Variants in FSTL5 observed in about 807,000 individuals in gnomAD.
FSTL5 encodes the protein follistatin like 5, also known as follistatin-related protein 5.
In FSTL5, 62 loss-of-function variants were observed where a neutral mutation model predicts 89.1. The observed-to-expected ratio is 0.70, with a 90% CI of 0.57 to 0.86. The LOEUF is 0.86. FSTL5 is among the 40% of genes least tolerant of loss of function. The pLI is 0.00. For missense variants in FSTL5, 1,057 were observed against 1,001.6 expected, an observed-to-expected ratio of 1.06 and a Z score of -0.75; for synonymous variants, 383 against 346.2, an observed-to-expected ratio of 1.11 and a Z score of -1.18.
chr4:161,750,257 A>T (rs574966748), intron 6 of FSTL5, among the ~76,000 whole-genome samples: 1 of 152,264 alleles, frequency 6.6e-6, no homozygotes, highest in African/African-American at 2.4e-5. Flanking sequence ...ATAATTTGAC[A>T]CTCTAATGTT....
At chr4:162,016,580 A>G (rs980233759) in intron 3 of FSTL5, among the ~76,000 whole-genome samples, 1 of 152,040 alleles carries the variant, frequency 6.6e-6, no homozygotes, top group East Asian at 1.9e-4. Context: ...ATTCCTTTGG[A>G]CTTTAGTGTC....
chr4:161,437,580 A>AAAAAAAAAAAAAAAAAAAAAAAAAAC (rs1560894861), intron 15 of FSTL5, among the ~76,000 whole-genome samples: 1 of 147,494 alleles, frequency 6.8e-6, no homozygotes, highest in African/African-American at 2.5e-5. Context: ...AAAAAAAAAA[A>AAAAAAAAAAAAAAAAAAAAAAAAAAC]AACGAGGTCA....
chr4:161,505,067 G>A (rs933604971), intron 11 of FSTL5, among the ~76,000 whole-genome samples: 3 of 151,900 alleles, frequency 2.0e-5, no homozygotes, highest in East Asian at 1.9e-4. Context: ...AATAAATTAC[G>A]GTGTTATACA....
chr4:161,916,699 A>T (rs1241450918), intron 4 of FSTL5, among the ~76,000 whole-genome samples: 1 of 152,184 alleles, frequency 6.6e-6, no homozygotes, highest in African/African-American at 2.4e-5. Flanking sequence ...CTATAGTTCT[A>T]CAAATCATAA....
intron 2 of FSTL5, among the ~76,000 whole-genome samples, chr4:162,051,933 A>C (rs1277003798): frequency 2.0e-5 from 3 of 151,622 alleles, no homozygotes; most frequent in Non-Finnish European, 4.4e-5. Context: ...CAACATTAGC[A>C]AAGAAAAACA....
chr4:161,443,480 C>A (rs1421736724), intron 15 of FSTL5, among the ~76,000 whole-genome samples: 1 of 151,904 alleles, frequency 6.6e-6, no homozygotes, highest in Non-Finnish European at 1.5e-5. Flanking sequence ...TATTTTTAAA[C>A]TTTTACTAAA....
intron 6 of FSTL5, among the ~76,000 whole-genome samples, chr4:161,677,426 T>C (rs1737345942): frequency 1.3e-5 from 2 of 152,180 alleles, no homozygotes; most frequent in South Asian, 4.1e-4. Context: ...CACTTTATAA[T>C]ATGCTGTTTT....
chr4:162,154,763 T>A (rs896749614), intron 1 of FSTL5, among the ~76,000 whole-genome samples: 1 of 152,116 alleles, frequency 6.6e-6, no homozygotes. Context: ...TAAAATCCAA[T>A]GTGGATCAAT....
chr4:161,752,219 A>AGACG (rs1367900545), intron 6 of FSTL5, among the ~76,000 whole-genome samples: 31 of 141,596 alleles, frequency 2.2e-4, no homozygotes, highest in African/African-American at 7.9e-4. Flanking sequence ...GACAGATGAT[A>AGACG]GATGGACAGA....
At chr4:161,943,181 C>T (rs1186172941) in intron 3 of FSTL5, among the ~76,000 whole-genome samples, 3 of 151,878 alleles carry the variant, frequency 2.0e-5, no homozygotes, top group South Asian at 4.2e-4. Flanking sequence ...ATCAAATTAC[C>T]TATCAAAATG....
At chr4:161,705,974 A>T (rs868772300) in intron 6 of FSTL5, among the ~76,000 whole-genome samples, 1 of 85,660 alleles carries the variant, frequency 1.2e-5, no homozygotes, top group East Asian at 4.0e-4. Context: ...ATATATATAT[A>T]TATATATATA....
intron 7 of FSTL5, among the ~76,000 whole-genome samples, chr4:161,635,008 T>A (rs2126660122): frequency 6.6e-6 from 1 of 151,810 alleles, no homozygotes. Flanking sequence ...ATACTACAAT[T>A]TTTATTTGTC....
At chr4:161,945,319 T>G (rs1405061254) in intron 3 of FSTL5, among the ~76,000 whole-genome samples, 2 of 152,232 alleles carry the variant, frequency 1.3e-5, no homozygotes, top group African/African-American at 4.8e-5. Context: ...ATATGTTGCA[T>G]GCTATAGTTG....
intron 7 of FSTL5, among the ~76,000 whole-genome samples, chr4:161,596,891 T>C (rs1028984698): frequency 3.9e-5 from 6 of 152,152 alleles, no homozygotes; most frequent in Non-Finnish European, 7.4e-5. Flanking sequence ...GTTTTTTTCT[T>C]GTAAATTTGT....
chr4:162,073,825 T>C (rs1729725216), intron 2 of FSTL5, among the ~76,000 whole-genome samples: 1 of 151,798 alleles, frequency 6.6e-6, no homozygotes, highest in Admixed American at 6.6e-5. Context: ...AAAATGCTTG[T>C]ATTGTTCACA....
intron 5 of FSTL5, among the ~76,000 whole-genome samples, chr4:161,767,975 C>A (rs1741076623): frequency 6.6e-6 from 1 of 151,952 alleles, no homozygotes; most frequent in African/African-American, 2.4e-5. Context: ...CGAGAGAGAA[C>A]CTTCTGTTCT....
chr4:161,613,159 T>C (rs1560979125), intron 7 of FSTL5, among the ~76,000 whole-genome samples: 1 of 152,076 alleles, frequency 6.6e-6, no homozygotes, highest in East Asian at 1.9e-4. Context: ...TTCCAACATT[T>C]AACAATATAG....
intron 1 of FSTL5, among the ~76,000 whole-genome samples, chr4:162,150,605 C>T (rs1733188924): frequency 6.6e-6 from 1 of 152,084 alleles, no homozygotes; most frequent in Admixed American, 6.5e-5. Flanking sequence ...ACATCACATT[C>T]ACTAATAAGC....
intron 7 of FSTL5, among the ~76,000 whole-genome samples, chr4:161,653,114 C>T (rs924013758): frequency 6.6e-6 from 1 of 152,136 alleles, no homozygotes; most frequent in African/African-American, 2.4e-5. Flanking sequence ...CAACAGAACC[C>T]ATTCCAGGTA....
Sources: gnomAD v4.1 joint callset for allele counts (sites outside exome capture counted in the v4.1 genomes callset) on GRCh38, gnomAD v4.1.1 for gene constraint, MANE v1.5 for transcripts, NCBI Gene and HGNC (gene_info 2026-07-23, HGNC 2026-07-21) for gene names.